Variants in KRT5 observed in about 807,000 individuals in gnomAD.
KRT5 encodes the protein keratin, type II cytoskeletal 5.
Under a neutral mutation model 44.0 loss-of-function variants are expected in KRT5, and 17 were observed. That is an observed-to-expected ratio of 0.39 (90% confidence interval 0.26 to 0.58). The LOEUF is 0.58. Among genes scored for constraint, KRT5 ranks in the 20% least tolerant of loss-of-function variants. KRT5 has a pLI of 0.61. For synonymous variants in KRT5, 329 were observed against 312.8 expected (o/e 1.05, Z -0.55); for missense variants, 737 against 785.5 (o/e 0.94, Z 0.74).
At chr12:52,517,483 A>G (rs1938629131) in intron 5 of KRT5, 107 bp downstream of exon 5, 2 of 1,261,524 alleles carry the variant, frequency 1.6e-6, no homozygotes, top group Non-Finnish European at 2.3e-6. Flanking sequence ...AAGCATCCCA[A>G]TGGGCTTCAG....
At chr12:52,517,463 C>T (rs922894853) in intron 5 of KRT5, 127 bp downstream of exon 5, 4 of 1,123,846 alleles carry the variant, frequency 3.6e-6, no homozygotes, top group African/African-American at 1.5e-5. Flanking sequence ...TCTACACAGC[C>T]ATTCCTATAA....
chr12:52,520,221 A>G lies in KRT5; in HGVS notation c.76T>C (p.Ser26Pro). 2.5e-6 allele frequency: 4 copies of G among 1,614,070 alleles called. No individual in the cohort carries two copies. Among genetic ancestry groups the G allele is most frequent in the Non-Finnish European group, 3.4e-6 (4 of 1,180,020 alleles). Residue 26 changes from serine to proline, a missense_variant, in exon 1 of 9, where the codon TCT (serine) becomes CCT (proline). Around this residue, in one of 5 missense-constraint regions of KRT5, gnomAD observed 326 missense variants for 333.1 expected, o/e 0.98. Transcript: ENST00000252242. ...SFSTASAITP[S>P]VSRTSFTSVS... ...GAGGTGAAGCTGGTGCGGGAGACAG[A>G]CGGGGTGATGGCAGAGGCGGTGCTG...
In KRT5 at chr12:52,517,207, C is replaced by G. The variant is rs561738497; in HGVS notation, c.1118G>C (p.Gly373Ala). 90 of 1,613,994 alleles carry G rather than the reference C, an allele frequency of 5.6e-5. No homozygotes were observed. The highest frequency in any genetic ancestry group is 5.0e-4 in the Middle Eastern group (3 of 6,060). ...GTTGCGGAGGTCATCGCCATGCCGG[C>G]CAGCTGTCTGCTGCAGCTCCTCATA... The part of the protein sequence containing the change: ...TKYEELQQTA[G>A]RHGDDLRNTK... Residue 373 changes from glycine (G) to alanine (A), a missense_variant, in exon 6 of 9, where the codon GGC (glycine) becomes GCC (alanine). Gly to Ala is a moderately conservative substitution (Grantham distance 60, BLOSUM62 0). Coordinates refer to ENST00000252242, the MANE Select transcript of KRT5 (RefSeq NM_000424.4).
At chr12:52,515,451 A>T in intron 8 of KRT5, 1 of 679,152 alleles carries the variant, frequency 1.5e-6, no homozygotes, top group South Asian at 1.8e-5. Flanking sequence ...GGAGCTAGGT[A>T]CTGAGGGGAG....
chr12:52,515,135 C>T lies in KRT5; in HGVS notation c.1580G>A (p.Gly527Asp), dbSNP rs200188533. Residue 527 changes from glycine to aspartate, a missense_variant, in exon 9 of 9, where the codon GGT becomes GAT. Coordinates refer to ENST00000252242, the MANE Select transcript of KRT5 (RefSeq NM_000424.4). Reference protein sequence around the residue: ...GGGLGGGLAGGSSGSYYSSSS... With the variant: ...GGGLGGGLAGDSSGSYYSSSS... ...GCTGGAGTAGTAGCTTCCACTGCTA[C>T]CTCCGGCAAGACCTCCACCGAGGCC... The T allele has an allele frequency of 1.2e-6, 2 of 1,611,762 alleles. No individual in the cohort carries two copies. The highest frequency in any genetic ancestry group is 2.7e-5 in the African/African-American group (2 of 74,732).
At chr12:52,517,015 T>G (rs1938622102) in intron 6 of KRT5, 92 bp downstream of exon 6, 9 of 1,544,084 alleles carry the variant, frequency 5.8e-6, no homozygotes, top group African/African-American at 1.4e-5. Flanking sequence ...TCTAGCTGCG[T>G]GTGTTTAGCA....
chr12:52,516,148 G>A, intron 7 of KRT5: 1 of 494,948 alleles, frequency 2.0e-6, no homozygotes. Context: ...TACATTCTGT[G>A]AGAGAACTTG....
chr12:52,519,391 G>A (rs542080086), intron 1 of KRT5: 10 of 679,836 alleles, frequency 1.5e-5, no homozygotes, highest in Non-Finnish European at 2.5e-5. Flanking sequence ...TGCTTGGAGT[G>A]TGTCCCGGCT....
intron 7 of KRT5, 158 bp downstream of exon 7, chr12:52,516,479 G>T: frequency 1.3e-6 from 1 of 773,568 alleles, no homozygotes; most frequent in South Asian, 1.6e-5. Context: ...GTGAGTTGAG[G>T]TCAGCTATAT....
rs749195594 is a variant in KRT5 at position 52,520,225 on chromosome 12, G to A, written c.72C>T (p.Thr24=). The change falls in exon 1 of 9, where the codon ACC becomes ACT. Residue 24 remains threonine (T), a synonymous_variant. Transcript: ENST00000252242. ...TGAAGCTGGTGCGGGAGACAGACGGGGTGATGGCAGAGGCGGTGCTGAAGC... is the reference window on the plus strand; with the variant it reads ...TGAAGCTGGTGCGGGAGACAGACGGAGTGATGGCAGAGGCGGTGCTGAAGC... The part of the protein sequence containing the change: ...SRSFSTASAI[T]PSVSRTSFTS... 8.1e-6 allele frequency: 13 copies of A among 1,614,082 alleles called. No homozygotes were observed. In the South Asian group the frequency reaches 1.4e-4, roughly 18 times the overall value.
intron 2 of KRT5, 58 bp downstream of exon 2, chr12:52,518,888 C>T: frequency 6.2e-7 from 1 of 1,603,136 alleles, no homozygotes; most frequent in Non-Finnish European, 8.5e-7. Context: ...GTAACAAAGC[C>T]CATCTGGTAC....
Position 52,515,065 on chromosome 12 carries a change from G to A in KRT5, c.1650C>T (p.Gly550=), listed in dbSNP as rs777352718. The A allele has an allele frequency of 1.2e-6, 2 of 1,610,862 alleles. No individual in the cohort carries two copies. The highest frequency in any genetic ancestry group is 1.7e-5 in the Admixed American group (1 of 59,666). ...VGLGGGLSVG[G]SGFSASSGRG... is the part of the protein sequence containing the mutation. The stretch of plus-strand genomic sequence containing the variant: ...GGCCACTGCTTGCACTGAAGCCAGA[G>A]CCCCCCACACTGAGCCCACCACCTA... The change falls in exon 9 of 9, where the codon GGC becomes GGT. Residue 550 remains glycine, a synonymous_variant. Coordinates refer to ENST00000252242, the MANE Select transcript of KRT5 (RefSeq NM_000424.4).
rs975373821 is a variant in KRT5, at chr12:52,514,967, G to A, written c.1748C>T (p.Ser583Phe). ...TTAGCTCTTGAAGCTCTTCCGGGAG[G>A]AGGAGGTGGTGGAGACAAATTTGAC... ...SSVKFVSTTS[S>F]SRKSFKS Residue 583 changes from serine (S) to phenylalanine (F), a missense_variant, in exon 9 of 9, where the codon TCC (serine) becomes TTC (phenylalanine). Physicochemically the swap from Ser to Phe is radical, Grantham distance 155. Coordinates refer to ENST00000252242, the MANE Select transcript of KRT5 (RefSeq NM_000424.4). The A allele has an allele frequency of 5.6e-6, 9 of 1,613,650 alleles. No individual in the cohort carries two copies. Among genetic ancestry groups the A allele is most frequent in the African/African-American group, 2.7e-5 (2 of 74,898 alleles).
rs756435108 is a variant in KRT5 at position 52,519,062 on chromosome 12, C to A, written c.654G>T (p.Leu218Phe). 1 of 1,614,238 alleles carries A rather than the reference C, an allele frequency of 6.2e-7. No homozygotes were observed. Among genetic ancestry groups the A allele is most frequent in the Admixed American group, 1.7e-5 (1 of 60,022 alleles). The change falls in exon 2 of 9, where the codon TTG (leucine) becomes TTT (phenylalanine). Residue 218 changes from leucine (L) to phenylalanine (F), a missense_variant. Leu to Phe is a conservative substitution (Grantham distance 22). This residue lies in a region of KRT5 where 326 missense variants were observed against 333.1 expected (regional missense o/e 0.98). Transcript: ENST00000252242. ...TKTVRQNLEP[L>F]FEQYINNLRR... is the part of the protein sequence containing the mutation. ...TGAGGTTGTTGATGTACTGCTCGAA[C>A]AACGGCTCCAGGTTCTGCCTCACAG...
chr12:52,516,348 G>A (rs930674743), intron 7 of KRT5: 7 of 459,664 alleles, frequency 1.5e-5, no homozygotes, highest in Non-Finnish European at 2.8e-5. Flanking sequence ...TATTGAGGTT[G>A]AGCAAAGGAC....
At position 52,520,039 on chromosome 12, in the gene KRT5, C is replaced by T. The variant is rs751860679; in HGVS notation, c.258G>A (p.Arg86=). ...AGCCGCCTCCAGCACCAGCACCAAA[C>T]CGGTTCCTGAAGCTGCCACCACTAG... The part of the protein sequence containing the change: ...ISTSGGSFRN[R]FGAGAGGGYG... Residue 86 remains arginine (R), a synonymous_variant, in exon 1 of 9, where the codon CGG becomes CGA. Transcript: ENST00000252242. The T allele has an allele frequency of 6.2e-7, 1 of 1,613,980 alleles. No homozygotes were observed. The highest frequency in any genetic ancestry group is 1.3e-5 in the African/African-American group (1 of 74,886).
chr12:52,517,131 G>A lies in KRT5; in HGVS notation c.1194C>T (p.Ala398=), dbSNP rs768794468. The A allele has an allele frequency of 4.9e-5, 79 of 1,613,902 alleles. 1 individual carries two copies. The Admixed American group carries it at 9.8e-4, about 20-fold the overall frequency. ...CCTGTTTCTTGACATTGTCAATCTC[G>A]GCTCTCAGCCTCTGGATCATCCGGT... is the stretch of plus-strand genomic sequence containing the variant. ...EMNRMIQRLR[A]EIDNVKKQCA... is the part of the protein sequence containing the mutation. Residue 398 remains alanine, a synonymous_variant, in exon 6 of 9, where the codon GCC becomes GCT. Coordinates refer to ENST00000252242, the MANE Select transcript of KRT5 (RefSeq NM_000424.4).
intron 7 of KRT5, 194 bp downstream of exon 7, chr12:52,516,443 C>G: frequency 1.6e-6 from 1 of 636,338 alleles, no homozygotes; most frequent in Non-Finnish European, 2.8e-6. Context: ...CCCAGGAACA[C>G]CGGTGGGGGA....
At chr12:52,517,853 G>A in intron 4 of KRT5, 44 bp downstream of exon 4, 1 of 1,607,722 alleles carries the variant, frequency 6.2e-7, no homozygotes, top group Non-Finnish European at 8.5e-7. Context: ...ACAACTTGAG[G>A]AAAAAAAACC....
Sources: gnomAD v4.1 joint callset for allele counts on GRCh38, gnomAD v4.1.1 for gene constraint, gnomAD v4.1.1 regional missense constraint, MANE v1.5 for transcripts, NCBI Gene and HGNC (gene_info 2026-07-23, HGNC 2026-07-21) for gene names.